CIT: variants seen among roughly 807,000 people sequenced by gnomAD.
The protein encoded by CIT is citron rho-interacting serine/threonine kinase, also known as citron Rho-interacting kinase.
Under a neutral mutation model 272.7 loss-of-function variants are expected in CIT, and 79 were observed. That is an observed-to-expected ratio of 0.29 (90% confidence interval 0.24 to 0.35). CIT has a LOEUF of 0.35. CIT is among the 10% of genes least tolerant of loss of function. The pLI is 1.00. For missense variants in CIT, 1,909 were observed against 2,618.3 expected, an observed-to-expected ratio of 0.73 and a Z score of 5.91; for synonymous variants, 948 against 995.6, an observed-to-expected ratio of 0.95 and a Z score of 0.90.
chr12:119,849,049 T>C (rs992446839), intron 5 of CIT, among the ~76,000 whole-genome samples: 4 of 151,874 alleles, frequency 2.6e-5, no homozygotes, highest in African/African-American at 7.3e-5. Context: ...CCCACCATGC[T>C]CCTACAGAGC....
intron 33 of CIT, 146 bp downstream of exon 33, chr12:119,714,051 G>A (rs1957315725): frequency 1.1e-6 from 1 of 912,922 alleles, no homozygotes; most frequent in African/African-American, 1.7e-5. Flanking sequence ...TTCAACAGGG[G>A]AAAAATAGCA....
intron 5 of CIT, among the ~76,000 whole-genome samples, chr12:119,841,051 A>G (rs977065105): frequency 3.9e-5 from 6 of 152,222 alleles, no homozygotes; most frequent in African/African-American, 1.4e-4. Context: ...GCAGGGCATC[A>G]GATCCAGTGG....
At chr12:119,761,140 G>C (rs1290093792) in intron 19 of CIT, 85 bp from the exon 20 acceptor site, 2 of 1,045,360 alleles carry the variant, frequency 1.9e-6, no homozygotes, top group African/African-American at 3.2e-5. Context: ...GAAAATCTAG[G>C]AAAGAGGAGA....
intron 1 of CIT, among the ~76,000 whole-genome samples, chr12:119,876,746 G>GA (rs1477856138): frequency 2.0e-5 from 3 of 152,068 alleles, no homozygotes; most frequent in African/African-American, 7.2e-5. Context: ...CGTGGCAAAC[G>GA]AAACAGCCAA....
At chr12:119,799,638 A>G (rs1282906004) in intron 10 of CIT, among the ~76,000 whole-genome samples, 1 of 152,162 alleles carries the variant, frequency 6.6e-6, no homozygotes, top group Non-Finnish European at 1.5e-5. Flanking sequence ...CAGCCCCATC[A>G]AGATCCCATT....
rs144589086 is a variant in CIT, at chr12:119,755,185, A to T, written c.2706+2186T>A. 2.9e-3 allele frequency among the ~76,000 whole-genome samples: 438 copies of T among 152,262 alleles called. 3 individuals carry two copies. Among genetic ancestry groups the T allele is most frequent in the Non-Finnish European group, 5.0e-3 (339 of 68,016 alleles). On this transcript the variant is annotated intron_variant, in intron 22 of 47. Coordinates refer to ENST00000392521, the MANE Select transcript of CIT (RefSeq NM_001206999.2). ...CTGACCTAAGAAATAATAAAAGAAA[A>T]ATAAATAAATAAATAAAGCCAGGAG... is the stretch of plus-strand genomic sequence containing the variant.
intron 41 of CIT, among the ~76,000 whole-genome samples, chr12:119,702,557 T>G (rs2136994495): frequency 1.3e-5 from 2 of 152,106 alleles, no homozygotes; most frequent in African/African-American, 4.8e-5. Context: ...TGTGGTGGTG[T>G]GCACCTGTGA....
chr12:119,820,663 C>T (rs1381760694), intron 9 of CIT, among the ~76,000 whole-genome samples: 2 of 151,908 alleles, frequency 1.3e-5, no homozygotes, highest in East Asian at 3.9e-4. Flanking sequence ...AATACTATTC[C>T]AAAATAAAAG....
At chr12:119,708,149 C>A in intron 40 of CIT, 30 bp downstream of exon 40, 1 of 1,476,672 alleles carries the variant, frequency 6.8e-7, no homozygotes, top group Non-Finnish European at 9.0e-7. Context: ...CCAGAACATT[C>A]CACCAGCTAG....
chr12:119,755,414 A>C (rs1035928857), intron 22 of CIT, among the ~76,000 whole-genome samples: 5 of 152,254 alleles, frequency 3.3e-5, no homozygotes, highest in Admixed American at 1.3e-4. Flanking sequence ...AAACATGAGT[A>C]CTACCCAAGG....
chr12:119,740,453 TTTGA>T (rs1413815813), intron 24 of CIT, among the ~76,000 whole-genome samples: 1 of 152,178 alleles, frequency 6.6e-6, no homozygotes, highest in Admixed American at 6.5e-5. Flanking sequence ...AATTCATTAT[TTTGA>T]TTGTTTTGCT....
At chr12:119,812,086 C>T (rs1180602543) in intron 9 of CIT, among the ~76,000 whole-genome samples, 1 of 151,914 alleles carries the variant, frequency 6.6e-6, no homozygotes, top group Non-Finnish European at 1.5e-5. Flanking sequence ...GCTGGGATTA[C>T]AAGCACCTGC....
intron 10 of CIT, among the ~76,000 whole-genome samples, chr12:119,791,051 A>G (rs1965263704): frequency 6.6e-6 from 1 of 152,142 alleles, no homozygotes; most frequent in Non-Finnish European, 1.5e-5. Flanking sequence ...GGCATTAAGG[A>G]GGGGCTTGCC....
intron 10 of CIT, among the ~76,000 whole-genome samples, chr12:119,794,781 C>A (rs1048537099): frequency 1.6e-4 from 24 of 152,192 alleles, no homozygotes; most frequent in African/African-American, 5.6e-4. Context: ...GAGTCCAAAG[C>A]ACCCCATACC....
At chr12:119,720,631 T>C (rs1957773865) in intron 29 of CIT, 46 bp from the exon 30 acceptor site, 1 of 1,401,898 alleles carries the variant, frequency 7.1e-7, no homozygotes, top group Non-Finnish European at 9.8e-7. Context: ...GACAGAAGTA[T>C]ACTTTTAAAG....
chr12:119,788,716 CGAG>C (rs1965025619), intron 10 of CIT, among the ~76,000 whole-genome samples: 1 of 152,066 alleles, frequency 6.6e-6, no homozygotes, highest in Admixed American at 6.5e-5. Flanking sequence ...GGCCCAGAAG[CGAG>C]GAGATGTGCA....
chr12:119,760,327 C>T (rs191696191), intron 20 of CIT, among the ~76,000 whole-genome samples: 233 of 151,764 alleles, frequency 1.5e-3, no homozygotes, highest in African/African-American at 5.4e-3. Flanking sequence ...GACAAACAGG[C>T]AAGTAAAAAG....
rs1450483629 is a variant in CIT, at chr12:119,728,829, T to C, written c.3487-223A>G. Among the ~76,000 whole-genome samples, 1 of 152,242 alleles carries C rather than the reference T, an allele frequency of 6.6e-6. No individual in the cohort carries two copies. Among genetic ancestry groups the C allele is most frequent in the African/African-American group, 2.4e-5 (1 of 41,474 alleles). On this transcript the variant is annotated intron_variant, in intron 27 of 47. Coordinates refer to ENST00000392521, the MANE Select transcript of CIT (RefSeq NM_001206999.2). This position sits in a 1 kb window ranked among gnomAD's most constrained non-coding sequence, Gnocchi z 4.3. The stretch of plus-strand genomic sequence containing the variant: ...ATTTCTAAGGGATGGCTCTTAAATA[T>C]GGCTGTGACAAGTTCTAGGAGGATA...
chr12:119,808,499 A>C (rs1966731346), intron 9 of CIT, among the ~76,000 whole-genome samples: 1 of 152,084 alleles, frequency 6.6e-6, no homozygotes, highest in South Asian at 2.1e-4. Context: ...CAGAGTACCC[A>C]ATGTATTCAT....
Sources: allele counts gnomAD v4.1 joint callset (sites outside exome capture counted in the v4.1 genomes callset), GRCh38; gene constraint gnomAD v4.1.1; non-coding constraint Gnocchi (gnomAD v3.1); transcripts MANE v1.5; gene names NCBI Gene and HGNC (gene_info 2026-07-23, HGNC 2026-07-21).